PCDHA5: variants seen among roughly 807,000 people sequenced by gnomAD.
PCDHA5 encodes protocadherin alpha-5.
Under a neutral mutation model 61.6 loss-of-function variants are expected in PCDHA5, and 43 were observed. That is an observed-to-expected ratio of 0.70 (90% CI 0.55 to 0.90). The LOEUF (loss-of-function observed/expected upper bound fraction) is 0.90. Among genes scored for constraint, PCDHA5 ranks in the 40% least tolerant of loss-of-function variants. The pLI, the probability that PCDHA5 is intolerant of heterozygous loss-of-function variation, is 0.00. For synonymous variants in PCDHA5, 627 were observed against 543.9 expected (o/e 1.15, Z -2.13); for missense variants, 1,298 against 1,222.7 (o/e 1.06, Z -0.92).
In PCDHA5 at chr5:140,822,989, CGTT is replaced by C. The variant is rs2150121099; in HGVS notation, c.1216_1218del (p.Leu406del). 1.5e-5 allele frequency: 24 copies of C among 1,614,244 alleles called. No individual in the cohort carries two copies. Among genetic ancestry groups the C allele is most frequent in the Non-Finnish European group, 2.0e-5 (24 of 1,180,056 alleles). On this transcript the variant is annotated inframe_deletion, in exon 1 of 4. Coordinates refer to ENST00000529859, the MANE Select transcript of PCDHA5 (RefSeq NM_018908.3). The stretch of plus-strand genomic sequence containing the variant: ...GTGTCCACCTTCAAGAATTACTACT[CGTT>C]GGTGCTGGACAGCGCCCTGGACCGC...
In PCDHA5 at chr5:140,850,694, G is replaced by A. The variant is rs2150494629; in HGVS notation, c.2352+26567G>A. ...CGATGCCCACCGAGGGCGAGTGCGC[G>A]CCTGGCAAGCCGACGCTGGTGTGTT... On this transcript the variant is annotated intron_variant, in intron 1 of 3. Coordinates refer to ENST00000529859, the MANE Select transcript of PCDHA5 (RefSeq NM_018908.3). 483 of 1,598,228 alleles carry A rather than the reference G, an allele frequency of 3.0e-4. 44 individuals are homozygous for A. Among genetic ancestry groups the A allele is most frequent in the Non-Finnish European group, 3.8e-4 (449 of 1,167,808 alleles).
intron 1 of PCDHA5, chr5:140,841,605 T>A: frequency 6.2e-7 from 1 of 1,614,126 alleles, no homozygotes; most frequent in Non-Finnish European, 8.5e-7. Context: ...CGCGAGGAGC[T>A]GTGCGGGCGG....
At chr5:140,998,148 A>G (rs1229553205) in intron 3 of PCDHA5, among the ~76,000 whole-genome samples, 10 of 152,234 alleles carry the variant, frequency 6.6e-5, no homozygotes, top group Admixed American at 6.5e-4. Flanking sequence ...TGTACTGAAC[A>G]GTTAAGCCAT....
intron 1 of PCDHA5, among the ~76,000 whole-genome samples, chr5:140,935,509 C>T (rs2090411551): frequency 6.6e-6 from 1 of 152,080 alleles, no homozygotes; most frequent in Admixed American, 6.6e-5. Context: ...TTACAAATGC[C>T]CAGTAGGCAT....
At chr5:140,998,295 A>G (rs2097805023) in intron 3 of PCDHA5, among the ~76,000 whole-genome samples, 1 of 152,206 alleles carries the variant, frequency 6.6e-6, no homozygotes, top group Non-Finnish European at 1.5e-5. Context: ...CAGATCACAC[A>G]TTTAGTAAGG....
chr5:140,877,432 C>A (rs782574302), intron 1 of PCDHA5: 1 of 1,613,874 alleles, frequency 6.2e-7, no homozygotes, highest in Non-Finnish European at 8.5e-7. Flanking sequence ...GGTGAAGGAC[C>A]ACGGTGAGCC....
chr5:140,842,426 A>G (rs150855027), intron 1 of PCDHA5: 1 of 1,613,494 alleles, frequency 6.2e-7, no homozygotes, highest in African/African-American at 1.3e-5. Context: ...TGGTACTGTC[A>G]TCGCCCTAAT....
At chr5:140,830,464 A>T (rs2150186873) in intron 1 of PCDHA5, 1 of 1,576,848 alleles carries the variant, frequency 6.3e-7, no homozygotes, top group Non-Finnish European at 8.6e-7. Flanking sequence ...ATCAGGATTT[A>T]AATGAAGATC....
At chr5:140,850,185 G>T (rs1554143929) in intron 1 of PCDHA5, 3 of 1,593,776 alleles carry the variant, frequency 1.9e-6, no homozygotes, top group Non-Finnish European at 2.6e-6. Flanking sequence ...CAATGCGCCG[G>T]CGCTGCTGAC....
rs1767861225 is a variant in PCDHA5 at position 140,823,752 on chromosome 5, A to G, written c.1977A>G (p.Thr659=). 2.5e-6 allele frequency: 4 copies of G among 1,613,706 alleles called. No individual in the cohort carries two copies. The change falls in exon 1 of 4, where the codon ACA becomes ACG. Residue 659 remains threonine, a synonymous_variant. Transcript: ENST00000529859. The part of the protein sequence containing the change: ...LVKDHGEPPL[T]ATATVLVSLV... Reference sequence around the variant, plus strand: ...AGGACCATGGAGAGCCCCCGCTGACAGCCACAGCCACAGTGCTGGTGTCGC... The same window carrying G: ...AGGACCATGGAGAGCCCCCGCTGACGGCCACAGCCACAGTGCTGGTGTCGC...
Position 140,928,819 on chromosome 5 carries a change from G to A in PCDHA5, c.2353-50130G>A, listed in dbSNP as rs1464149149. On this transcript the variant is annotated intron_variant, in intron 1 of 3. Coordinates refer to ENST00000529859, the MANE Select transcript of PCDHA5 (RefSeq NM_018908.3). ...GGTGGTAGTGGTTCGGGACCATGGAGACCCACCACTTTCCTCCTCTGTCAC... is the reference window on the plus strand; with the variant it reads ...GGTGGTAGTGGTTCGGGACCATGGAAACCCACCACTTTCCTCCTCTGTCAC... 8 of 1,614,024 alleles carry A rather than the reference G, an allele frequency of 5.0e-6. No homozygotes were observed. In the Admixed American group the frequency reaches 1.0e-4, roughly 20 times the overall value.
intron 3 of PCDHA5, among the ~76,000 whole-genome samples, chr5:141,002,971 T>C (rs138459473): frequency 6.6e-6 from 1 of 152,274 alleles, no homozygotes; most frequent in African/African-American, 2.4e-5. Flanking sequence ...TTCCTGAAAA[T>C]AGTATCCTTG....
At position 140,870,533 on chromosome 5, in the gene PCDHA5, C is replaced by A. The variant is rs1185177447; in HGVS notation, c.2352+46406C>A. The A allele has an allele frequency of 1.9e-6, 3 of 1,614,050 alleles. No individual in the cohort carries two copies. The African/African-American group carries it at 4.0e-5, about 22-fold the overall frequency. ...CCAGGCTGCCACATCTTCACAGTGTCGGCGCGGGACGCGGACGCGCAGGAG... is the reference window on the plus strand; with the variant it reads ...CCAGGCTGCCACATCTTCACAGTGTAGGCGCGGGACGCGGACGCGCAGGAG... On this transcript the variant is annotated intron_variant, in intron 1 of 3. Transcript: ENST00000529859.
At chr5:140,964,841 T>G (rs2095857355) in intron 1 of PCDHA5, among the ~76,000 whole-genome samples, 2 of 152,190 alleles carry the variant, frequency 1.3e-5, no homozygotes, top group Non-Finnish European at 2.9e-5. Context: ...CTTCCTACTC[T>G]GTACCCTTGA....
chr5:140,850,195 C>A, intron 1 of PCDHA5: 1 of 1,593,610 alleles, frequency 6.3e-7, no homozygotes, highest in South Asian at 1.1e-5. Context: ...GCGCTGCTGA[C>A]ACCTCGGATG....
intron 1 of PCDHA5, chr5:140,884,070 C>T: frequency 1.2e-6 from 2 of 1,613,516 alleles, no homozygotes; most frequent in Non-Finnish European, 1.7e-6. Context: ...GACGCCGATT[C>T]GGGCTACAAT....
At chr5:140,977,591 A>T (rs1267599253) in intron 1 of PCDHA5, among the ~76,000 whole-genome samples, 2 of 152,164 alleles carry the variant, frequency 1.3e-5, no homozygotes, top group African/African-American at 4.8e-5. Context: ...AGCAGTTAGC[A>T]TGTGAGGACC....
chr5:140,927,218 A>T, intron 1 of PCDHA5: 1 of 1,614,090 alleles, frequency 6.2e-7, no homozygotes, highest in Non-Finnish European at 8.5e-7. Flanking sequence ...GAGCTGCACA[A>T]GATTCGGATT....
chr5:140,877,507 T>G, intron 1 of PCDHA5: 1 of 1,613,744 alleles, frequency 6.2e-7, no homozygotes, highest in Non-Finnish European at 8.5e-7. Flanking sequence ...CCCAAAGACG[T>G]CGTCGCGGGC....
Sources: allele counts gnomAD v4.1 joint callset (sites outside exome capture counted in the v4.1 genomes callset), GRCh38; gene constraint gnomAD v4.1.1; transcripts MANE v1.5; gene names NCBI Gene and HGNC (gene_info 2026-07-23, HGNC 2026-07-21).